BMPER: variants seen among roughly 807,000 people sequenced by gnomAD.
BMPER encodes the protein BMP binding endothelial regulator, also known as BMP-binding endothelial regulator protein.
A neutral mutation model predicts 87.3 loss-of-function variants in BMPER; 45 were observed. The ratio of observed to expected loss-of-function variants is 0.52; its 90% CI spans 0.41 to 0.66. The LOEUF (loss-of-function observed/expected upper bound fraction) is 0.66, where lower values mean the gene tolerates loss of function less well. Ranked by LOEUF, BMPER falls within the 30% of genes least tolerant of loss-of-function variation. The probability of loss-of-function intolerance (pLI) is 0.00; values close to 1 mark genes in which losing one functional copy is unlikely to be tolerated. For synonymous variants in BMPER, 326 were observed against 316.2 expected (o/e 1.03, Z -0.33); for missense variants, 784 against 867.5 (o/e 0.90, Z 1.21).
chr7:34,073,017 C>T (rs548184506), intron 11 of BMPER, among the ~76,000 whole-genome samples: 6 of 152,146 alleles, frequency 3.9e-5, no homozygotes, highest in East Asian at 3.9e-4. Context: ...TTCAGTTAAT[C>T]GATTAGGCGA....
intron 2 of BMPER, among the ~76,000 whole-genome samples, chr7:33,919,053 C>T (rs1008077323): frequency 3.3e-5 from 5 of 151,974 alleles, no homozygotes; most frequent in African/African-American, 9.7e-5. Context: ...CATGGGTGCA[C>T]GTGTGTGGGG....
intron 7 of BMPER, among the ~76,000 whole-genome samples, chr7:34,048,116 C>T (rs1788037570): frequency 6.6e-6 from 1 of 152,032 alleles, no homozygotes; most frequent in Non-Finnish European, 1.5e-5. Flanking sequence ...AATCCTCTCT[C>T]CTTTCTTTCA....
At chr7:33,908,285 A>G (rs938329923) in intron 2 of BMPER, among the ~76,000 whole-genome samples, 1 of 152,202 alleles carries the variant, frequency 6.6e-6, no homozygotes, top group Non-Finnish European at 1.5e-5. Context: ...AAGATTTCAG[A>G]GGAAATTACC....
At chr7:33,974,539 CCT>C (rs1179096954) in intron 5 of BMPER, among the ~76,000 whole-genome samples, 161 bp from the exon 6 acceptor site, 2 of 152,054 alleles carry the variant, frequency 1.3e-5, no homozygotes, top group African/African-American at 4.8e-5. Context: ...CCATCGTTTG[CCT>C]CTGTTTTTTT....
chr7:33,991,651 T>C (rs958361425), intron 6 of BMPER, among the ~76,000 whole-genome samples: 3 of 152,218 alleles, frequency 2.0e-5, no homozygotes, highest in Admixed American at 6.5e-5. Flanking sequence ...TTTCTTGCCT[T>C]CTGCTAGCTT....
intron 3 of BMPER, among the ~76,000 whole-genome samples, chr7:33,953,596 C>G (rs1439731530): frequency 6.6e-6 from 1 of 152,146 alleles, no homozygotes; most frequent in Non-Finnish European, 1.5e-5. Flanking sequence ...ATCATAATCC[C>G]CAATGAGTGA....
At chr7:34,006,874 C>G (rs1343667068) in intron 6 of BMPER, among the ~76,000 whole-genome samples, 1 of 152,102 alleles carries the variant, frequency 6.6e-6, no homozygotes, top group African/African-American at 2.4e-5. Flanking sequence ...CTGTTTTTCT[C>G]TACCAGAAGT....
chr7:34,145,764 A>G (rs1253463573), intron 14 of BMPER, among the ~76,000 whole-genome samples: 1 of 152,194 alleles, frequency 6.6e-6, no homozygotes, highest in Non-Finnish European at 1.5e-5. Context: ...TAGATACAGG[A>G]TATATGATCC....
intron 6 of BMPER, among the ~76,000 whole-genome samples, chr7:34,012,158 T>G (rs1389288808): frequency 6.6e-6 from 1 of 151,932 alleles, no homozygotes; most frequent in Non-Finnish European, 1.5e-5. Context: ...AAGAAACTTC[T>G]GTAAGCTAAA....
intron 3 of BMPER, among the ~76,000 whole-genome samples, chr7:33,938,957 A>G (rs750351104): frequency 9.2e-5 from 14 of 152,168 alleles, no homozygotes; most frequent in Non-Finnish European, 1.8e-4. Context: ...CCCAGGAGGC[A>G]GAAGTTGCAG....
chr7:33,968,241 T>A (rs182924684), intron 4 of BMPER, among the ~76,000 whole-genome samples: 147 of 152,298 alleles, frequency 9.7e-4, no homozygotes, highest in African/African-American at 3.3e-3. Context: ...GCCTGTGCCC[T>A]GCTAGCTAGG....
intron 14 of BMPER, among the ~76,000 whole-genome samples, chr7:34,151,112 G>A (rs1442384067): frequency 4.6e-5 from 7 of 152,150 alleles, no homozygotes; most frequent in African/African-American, 1.7e-4. Flanking sequence ...CACCATGCAT[G>A]AGGGAGCCTA....
At chr7:33,978,753 C>T (rs1314784289) in intron 6 of BMPER, among the ~76,000 whole-genome samples, 1 of 152,184 alleles carries the variant, frequency 6.6e-6, no homozygotes, top group African/African-American at 2.4e-5. Flanking sequence ...ACCTACTGAA[C>T]ACCGTAGCTT....
chr7:34,061,418 C>T (rs2127965064), intron 10 of BMPER, among the ~76,000 whole-genome samples: 1 of 152,262 alleles, frequency 6.6e-6, no homozygotes, highest in East Asian at 1.9e-4. Flanking sequence ...TCTCAGCTTC[C>T]TTGGCTTTGA....
chr7:34,100,816 G>A (rs531046494), intron 13 of BMPER, among the ~76,000 whole-genome samples: 73 of 152,232 alleles, frequency 4.8e-4, no homozygotes, highest in African/African-American at 1.5e-3. Context: ...GAATACATCT[G>A]GGGTGAGGAG....
intron 5 of BMPER, 29 bp from the exon 6 acceptor site, chr7:33,974,673 C>T (rs201637256): frequency 1.9e-6 from 3 of 1,606,256 alleles, no homozygotes; most frequent in East Asian, 2.2e-5. Context: ...GGCTGTTGCC[C>T]TAATTCTAAA....
intron 6 of BMPER, among the ~76,000 whole-genome samples, chr7:33,991,445 G>T (rs1182928322): frequency 6.6e-6 from 1 of 152,066 alleles, no homozygotes; most frequent in African/African-American, 2.4e-5. Context: ...TTGTATTTCT[G>T]TGGGATCGGT....
At chr7:34,128,379 T>C (rs1001039383) in intron 13 of BMPER, among the ~76,000 whole-genome samples, 1 of 152,198 alleles carries the variant, frequency 6.6e-6, no homozygotes, top group African/African-American at 2.4e-5. Flanking sequence ...TATTACAACC[T>C]ATTTTGGCAC....
At chr7:33,921,105 T>TG (rs1204511417) in intron 2 of BMPER, among the ~76,000 whole-genome samples, 1 of 152,222 alleles carries the variant, frequency 6.6e-6, no homozygotes, top group Non-Finnish European at 1.5e-5. Flanking sequence ...TTATAACCCT[T>TG]ACTCCTCTCT....
Sources: allele counts gnomAD v4.1 joint callset (sites outside exome capture counted in the v4.1 genomes callset), GRCh38; gene constraint gnomAD v4.1.1; transcripts MANE v1.5; gene names NCBI Gene and HGNC (gene_info 2026-07-23, HGNC 2026-07-21).